The following GSAP variants were observed in gnomAD, a reference collection of about 807,000 sequenced individuals.
GSAP encodes the protein gamma-secretase activating protein.
GSAP carries 118 observed loss-of-function variants against 131.7 expected under a neutral mutation model. That is an observed-to-expected ratio of 0.90 (90% CI 0.77 to 1.04). The LOEUF (loss-of-function observed/expected upper bound fraction) is 1.04, where lower values mean the gene tolerates loss of function less well. Ranked by LOEUF, GSAP falls within the 50% of genes least tolerant of loss-of-function variation. The pLI is 0.00. For synonymous variants in GSAP, 381 were observed against 363.4 expected (o/e 1.05, Z -0.55); for missense variants, 1,019 against 1,013.2 (o/e 1.01, Z -0.08).
intron 14 of GSAP, 29 bp downstream of exon 14, chr7:77,360,795 G>C (rs757317289): frequency 8.5e-7 from 1 of 1,177,482 alleles, no homozygotes; most frequent in Non-Finnish European, 1.3e-6. Flanking sequence ...AGTGTTCAGA[G>C]CAGGGGGTGT....
rs1454489458 is a variant in GSAP, at chr7:77,367,433, G to A, written c.872-4773C>T. Among the ~76,000 whole-genome samples, 5 of 152,224 alleles carry A rather than the reference G, an allele frequency of 3.3e-5. No individual in the cohort carries two copies. The South Asian group carries it at 6.2e-4, about 19-fold the overall frequency. On this transcript the variant is annotated intron_variant, in intron 12 of 30. Transcript: ENST00000257626. ...ACATGAAGGGGTATTGAGTTTTATC[G>A]AAAGCCTTTTCTGCATCTATTGAGA...
chr7:77,374,646 G>GAA (rs76611576), intron 11 of GSAP, among the ~76,000 whole-genome samples: 19 of 130,166 alleles, frequency 1.5e-4, no homozygotes, highest in African/African-American at 4.4e-4. Context: ...AAGGAAAACA[G>GAA]AAAAAAAAAA....
intron 19 of GSAP, among the ~76,000 whole-genome samples, chr7:77,347,651 A>G (rs559388443): frequency 1.5e-4 from 23 of 152,342 alleles, no homozygotes; most frequent in African/African-American, 5.1e-4. Context: ...TTATAAGTTT[A>G]CATAGCAACA....
chr7:77,371,983 G>GCATCA (rs1159665440), intron 12 of GSAP, among the ~76,000 whole-genome samples: 1 of 152,094 alleles, frequency 6.6e-6, no homozygotes, highest in East Asian at 1.9e-4. Context: ...ACCAGACTTA[G>GCATCA]CATCACTAAC....
intron 3 of GSAP, among the ~76,000 whole-genome samples, chr7:77,403,466 TC>T (rs1321257474): frequency 6.6e-6 from 1 of 152,218 alleles, no homozygotes; most frequent in African/African-American, 2.4e-5. Flanking sequence ...AATATTCAAT[TC>T]TAAATTGTTT....
At position 77,416,205 on chromosome 7, in the gene GSAP, TC is replaced by T; in HGVS notation, c.109+7del. 2.7e-6 allele frequency: 2 copies of T among 748,818 alleles called. No individual in the cohort carries two copies. Among genetic ancestry groups the T allele is most frequent in the South Asian group, 2.0e-5 (1 of 48,964 alleles). The allele number at this position is 748,818 out of a possible 1,614,324, so 46.4% of individuals were successfully genotyped here. ...CCCCCACCCCTCTCCGCAGCGCGCC[TC>T]CCGCACCTGCGCCGCCGCTTCCGGC... On this transcript the variant is annotated splice_region_variant and intron_variant, in intron 1 of 30. Coordinates refer to ENST00000257626, the MANE Select transcript of GSAP (RefSeq NM_017439.4).
At chr7:77,321,568 A>C (rs1243853861) in intron 24 of GSAP, among the ~76,000 whole-genome samples, 165 bp from the exon 25 acceptor site, 1 of 152,228 alleles carries the variant, frequency 6.6e-6, no homozygotes, top group African/African-American at 2.4e-5. Flanking sequence ...CACTGAACCC[A>C]AAATAGAAAG....
intron 12 of GSAP, 140 bp from the exon 13 acceptor site, chr7:77,362,800 T>C: frequency 1.7e-6 from 1 of 603,346 alleles, no homozygotes; most frequent in Non-Finnish European, 3.0e-6. Flanking sequence ...GTCCTAGAAG[T>C]GGTCTATTAA....
intron 19 of GSAP, among the ~76,000 whole-genome samples, chr7:77,340,045 G>A (rs979482161): frequency 6.6e-6 from 1 of 152,180 alleles, no homozygotes; most frequent in African/African-American, 2.4e-5. Flanking sequence ...GAAAATGGTC[G>A]GTTCCTGCCT....
rs761825058 is a variant in GSAP at position 77,362,673 on chromosome 7, GGAT to G, written c.872-16_872-14del. ...ACACACAAACTTCCTAGAAGAAAAA[GGAT>G]ATTTAGTAGAGTTTAACAGAATCTA... On this transcript the variant is annotated splice_polypyrimidine_tract_variant and intron_variant, in intron 12 of 30. Coordinates refer to ENST00000257626, the MANE Select transcript of GSAP (RefSeq NM_017439.4). 2 of 1,477,956 alleles carry G rather than the reference GGAT, an allele frequency of 1.4e-6. No homozygotes were observed. Among genetic ancestry groups the G allele is most frequent in the Non-Finnish European group, 1.9e-6 (2 of 1,057,924 alleles). 91.6% of individuals were successfully genotyped at this position (1,477,956 alleles called of 1,614,324 possible).
At position 77,377,400 on chromosome 7, in the gene GSAP, C is replaced by CAAAA. The variant is rs56314229; in HGVS notation, c.577-14_577-11dup. The CAAAA allele has an allele frequency of 1.0e-4, 118 of 1,184,440 alleles. No individual in the cohort carries two copies. The East Asian group carries it at 1.0e-3, about 10-fold the overall frequency. The allele number at this position is 1,184,440 out of a possible 1,614,324, so 73.4% of individuals were successfully genotyped here. On this transcript the variant is annotated splice_polypyrimidine_tract_variant and intron_variant, in intron 8 of 30. Transcript: ENST00000257626. ...CAGAATTTTTAATCACCTAAAAATG[C>CAAAA]AAAAAAAAAAAAAAAAAAAAAAGTA...
chr7:77,336,882 C>T (rs898188962), intron 19 of GSAP, among the ~76,000 whole-genome samples: 4 of 152,288 alleles, frequency 2.6e-5, no homozygotes, highest in Non-Finnish European at 5.9e-5. Context: ...ATCCACTGGC[C>T]TCACTATAAT....
intron 19 of GSAP, among the ~76,000 whole-genome samples, chr7:77,340,338 T>C (rs1790717680): frequency 6.6e-6 from 1 of 152,158 alleles, no homozygotes; most frequent in East Asian, 1.9e-4. Context: ...CAAACCCTGT[T>C]TGGTGGTCTC....
intron 12 of GSAP, among the ~76,000 whole-genome samples, chr7:77,364,554 G>T (rs868429149): frequency 1.3e-5 from 2 of 150,410 alleles, no homozygotes; most frequent in South Asian, 2.1e-4. Flanking sequence ...GATAGCATTA[G>T]GAGATATACC....
At chr7:77,347,351 G>T (rs952250475) in intron 19 of GSAP, among the ~76,000 whole-genome samples, 2 of 152,104 alleles carry the variant, frequency 1.3e-5, no homozygotes, top group African/African-American at 4.8e-5. Context: ...GGTGTGGAGG[G>T]TAGTCTTGGG....
At chr7:77,356,526 A>C (rs1445426201) in intron 14 of GSAP, among the ~76,000 whole-genome samples, 2 of 152,234 alleles carry the variant, frequency 1.3e-5, no homozygotes, top group Non-Finnish European at 2.9e-5. Context: ...TCATCAGAAT[A>C]ATCTCTGCAG....
At chr7:77,402,527 G>A (rs188277111) in intron 3 of GSAP, among the ~76,000 whole-genome samples, 16 of 143,084 alleles carry the variant, frequency 1.1e-4, no homozygotes, top group Admixed American at 6.6e-4. Flanking sequence ...CCCAGGAGGC[G>A]GAGGTTGCAG....
At chr7:77,411,856 T>G (rs574584784) in intron 1 of GSAP, among the ~76,000 whole-genome samples, 7 of 152,186 alleles carry the variant, frequency 4.6e-5, no homozygotes, top group South Asian at 4.1e-4. Flanking sequence ...CTACCAGTTA[T>G]CAATACCTAC....
intron 19 of GSAP, chr7:77,330,752 C>T: frequency 2.0e-6 from 2 of 986,516 alleles, no homozygotes; most frequent in Non-Finnish European, 2.4e-6. Flanking sequence ...GTCAACAGTG[C>T]CATGTTCACT....
Sources: gnomAD v4.1 joint callset for allele counts (sites outside exome capture counted in the v4.1 genomes callset) on GRCh38, gnomAD v4.1.1 for gene constraint, MANE v1.5 for transcripts, NCBI Gene and HGNC (gene_info 2026-07-23, HGNC 2026-07-21) for gene names.